Variants in VPS13C observed in about 807,000 individuals in gnomAD.
The protein encoded by VPS13C is vacuolar protein sorting 13 homolog C, also known as intermembrane lipid transfer protein VPS13C.
In VPS13C, 358 loss-of-function variants were observed where a neutral mutation model predicts 456.8. The observed-to-expected ratio is 0.78, with a 90% CI of 0.72 to 0.86. The LOEUF is 0.86. Among genes scored for constraint, VPS13C ranks in the 40% least tolerant of loss-of-function variants. The pLI is 0.00. For synonymous variants in VPS13C, 1,578 were observed against 1,486.7 expected (o/e 1.06, Z -1.41); for missense variants, 4,818 against 4,385.4 (o/e 1.10, Z -2.79).
At chr15:61,974,134 CT>C (rs2045635133) in intron 25 of VPS13C, among the ~76,000 whole-genome samples, 153 bp downstream of exon 25, 1 of 152,036 alleles carries the variant, frequency 6.6e-6, no homozygotes, top group Non-Finnish European at 1.5e-5. Context: ...TCCCCTCTAG[CT>C]TTATTTAAAA....
At chr15:61,899,524 A>C (rs2140106841) in intron 66 of VPS13C, among the ~76,000 whole-genome samples, 1 of 152,046 alleles carries the variant, frequency 6.6e-6, no homozygotes. Flanking sequence ...GAAATGGATA[A>C]ATTCCTCGAC....
chr15:62,000,751 AT>A, intron 15 of VPS13C, 125 bp from the exon 16 acceptor site: 1 of 656,848 alleles, frequency 1.5e-6, no homozygotes, highest in Non-Finnish European at 2.4e-6. Flanking sequence ...AAGTATTAGT[AT>A]AAATTTGAAT....
At chr15:61,982,200 A>ATC (rs1171318079) in intron 21 of VPS13C, among the ~76,000 whole-genome samples, 2 of 152,222 alleles carry the variant, frequency 1.3e-5, no homozygotes, top group Non-Finnish European at 2.9e-5. Context: ...GTTGTTTTCC[A>ATC]TCTCAAGCTC....
chr15:61,920,750 G>T (rs990912323), intron 55 of VPS13C, 103 bp from the exon 56 acceptor site: 13 of 1,044,260 alleles, frequency 1.2e-5, no homozygotes, highest in Non-Finnish European at 1.5e-5. Context: ...TTATAGTAAT[G>T]CTTCGCAAAA....
In VPS13C at chr15:61,934,324, T is replaced by A. The variant is rs185756986; in HGVS notation, c.5763A>T (p.Glu1921Asp). Residue 1921 changes from glutamate to aspartate, a missense_variant, in exon 49 of 85, where the codon GAA becomes GAT. This residue lies in a region of VPS13C where 4,552 missense variants were observed against 4,130.6 expected (regional missense o/e 1.10). Transcript: ENST00000644861. The stretch of plus-strand genomic sequence containing the variant: ...TAGAGAGCTTTGAGTCTGTCCAATC[T>A]TCTTGTTCTAATGGTGAAAATTTAA... ...SSVPDHLKEQ[E>D]DWTDSKLSMN... 2.0e-6 allele frequency: 3 copies of A among 1,535,582 alleles called. No homozygotes were observed. Among genetic ancestry groups the A allele is most frequent in the Middle Eastern group, 1.7e-4 (1 of 5,774 alleles).
At chr15:62,006,688 C>A (rs897352115) in intron 15 of VPS13C, among the ~76,000 whole-genome samples, 41 of 152,272 alleles carry the variant, frequency 2.7e-4, no homozygotes, top group African/African-American at 9.9e-4. Flanking sequence ...ACACTGACTT[C>A]CACAATGGTT....
chr15:61,919,240 A>T, intron 58 of VPS13C, 49 bp downstream of exon 58: 1 of 1,538,070 alleles, frequency 6.5e-7, no homozygotes, highest in Non-Finnish European at 8.7e-7. Flanking sequence ...AAATGATTTA[A>T]CCATTTCTTG....
In VPS13C at chr15:61,964,859, C is replaced by G. The variant is rs1212897144; in HGVS notation, c.3054G>C (p.Val1018=). 6.3e-7 allele frequency: 1 copy of G among 1,596,948 alleles called. No homozygotes were observed. The highest frequency in any genetic ancestry group is 2.2e-5 in the East Asian group (1 of 44,706). ...GCAACAGATTTAAAGATGAAAAGGC[C>G]ACCTAAAAATGTTTTAAAGAGAAAA... ...AFGKTEQTVK[V]AFSSLNLLLQ... is the part of the protein sequence containing the mutation. Residue 1018 remains valine (V), a splice_region_variant and synonymous_variant, in exon 31 of 85, where the codon GTG becomes GTC. Coordinates refer to ENST00000644861, the MANE Select transcript of VPS13C (RefSeq NM_020821.3).
chr15:61,890,883 C>A lies in VPS13C; in HGVS notation c.9106-483G>T, dbSNP rs527958058. 3.7e-3 allele frequency among the ~76,000 whole-genome samples: 564 copies of A among 152,236 alleles called. 2 individuals carry two copies. The highest frequency in any genetic ancestry group is 0.018 in the South Asian group (86 of 4,822). On this transcript the variant is annotated intron_variant, in intron 66 of 84. Coordinates refer to ENST00000644861, the MANE Select transcript of VPS13C (RefSeq NM_020821.3). The stretch of plus-strand genomic sequence containing the variant: ...CCAACATGGTGAAACCCCGTCTCCA[C>A]TAAAAATACAAAAATTAGCCAGGCA...
intron 15 of VPS13C, among the ~76,000 whole-genome samples, chr15:62,002,618 G>C (rs1203022107): frequency 6.6e-6 from 1 of 152,176 alleles, no homozygotes; most frequent in Non-Finnish European, 1.5e-5. Context: ...GAATGGTAAT[G>C]TCTAGGTTTT....
Position 62,060,406 on chromosome 15 carries a change from C to G in VPS13C, c.-32G>C. ...GCTGAGGCACAAGGAGAGGGAGGAG[C>G]CGGAACCGCCCGGCGCAGCTGAGGG... On this transcript the variant is annotated 5_prime_UTR_variant, in exon 1 of 85. Coordinates refer to ENST00000644861, the MANE Select transcript of VPS13C (RefSeq NM_020821.3). The G allele has an allele frequency of 8.6e-7, 1 of 1,167,998 alleles. No homozygotes were observed. Among genetic ancestry groups the G allele is most frequent in the Non-Finnish European group, 1.2e-6 (1 of 803,548 alleles). 72.4% of individuals were successfully genotyped at this position (1,167,998 alleles called of 1,614,324 possible). A position where few individuals can be genotyped will look rare whatever the true frequency, so the allele number is the denominator to read the frequency against.
rs762954411 is a variant in VPS13C at position 61,919,379 on chromosome 15, C to T, written c.7548G>A (p.Arg2516=). 53 of 1,604,320 alleles carry T rather than the reference C, an allele frequency of 3.3e-5. No homozygotes were observed. The highest frequency in any genetic ancestry group is 4.2e-5 in the Non-Finnish European group (49 of 1,175,948). ...AGTCAGAATGACTGGCATTGGGATT[C>T]CGTACATTATACAATCGCCGTCCAG... is the stretch of plus-strand genomic sequence containing the variant. The part of the protein sequence containing the change: ...ARPGRRLYNV[R]NPNASHSDSV... The change falls in exon 58 of 85, where the codon CGG becomes CGA. Residue 2516 remains arginine, a synonymous_variant. Transcript: ENST00000644861.
chr15:61,960,445 G>A (rs531245057), intron 35 of VPS13C, among the ~76,000 whole-genome samples: 2 of 152,022 alleles, frequency 1.3e-5, no homozygotes. Flanking sequence ...ATTATAATGG[G>A]ACAACTGGTA....
intron 3 of VPS13C, among the ~76,000 whole-genome samples, chr15:62,035,829 T>G (rs1012756787): frequency 2.0e-5 from 3 of 152,018 alleles, no homozygotes; most frequent in Admixed American, 6.6e-5. Flanking sequence ...CAAAAAACTT[T>G]CACTCATGAC....
intron 20 of VPS13C, 178 bp downstream of exon 20, chr15:61,983,642 T>C (rs1329645663): frequency 6.5e-6 from 4 of 612,384 alleles, no homozygotes; most frequent in African/African-American, 1.9e-5. Context: ...ATGTATTGCA[T>C]ATGAAAAAAA....
intron 21 of VPS13C, 22 bp downstream of exon 21, chr15:61,982,437 T>G (rs774767411): frequency 1.9e-6 from 3 of 1,579,418 alleles, no homozygotes; most frequent in African/African-American, 2.7e-5. Flanking sequence ...CTGATGCTTA[T>G]GTAGACACTC....
At chr15:62,032,043 A>C (rs2047837320) in intron 5 of VPS13C, among the ~76,000 whole-genome samples, 1 of 151,854 alleles carries the variant, frequency 6.6e-6, no homozygotes, top group African/African-American at 2.4e-5. Context: ...AATATATGTA[A>C]CTTATTATGT....
At chr15:61,941,310 T>C (rs989550256) in intron 46 of VPS13C, among the ~76,000 whole-genome samples, 7 of 152,142 alleles carry the variant, frequency 4.6e-5, no homozygotes, top group South Asian at 2.1e-4. Context: ...TGTCACTCAA[T>C]AGAGCCAACA....
At chr15:61,995,595 A>G (rs1399849205) in intron 16 of VPS13C, among the ~76,000 whole-genome samples, 1 of 152,174 alleles carries the variant, frequency 6.6e-6, no homozygotes, top group Non-Finnish European at 1.5e-5. Flanking sequence ...ATGGTTGTCT[A>G]TGTTGGGAAG....
Sources: allele counts gnomAD v4.1 joint callset (sites outside exome capture counted in the v4.1 genomes callset), GRCh38; gene constraint gnomAD v4.1.1; regional missense constraint gnomAD v4.1.1; transcripts MANE v1.5; gene names NCBI Gene and HGNC (gene_info 2026-07-23, HGNC 2026-07-21).